The following ABTB3 variants were observed in gnomAD, a reference collection of about 807,000 sequenced individuals.
ABTB3 encodes the protein ankyrin repeat and BTB domain containing 3.
At chr12:107,602,445 T>C in the ABTB3 span, among the ~76,000 whole-genome samples, 2 of 152,262 alleles carry the variant, frequency 1.3e-5, no homozygotes, top group African/African-American at 2.4e-5. Context: ...ATGATTATCA[T>C]AGGAGATCTC....
chr12:107,338,398 T>C, the ABTB3 span, among the ~76,000 whole-genome samples: 1 of 152,226 alleles, frequency 6.6e-6, no homozygotes, highest in Admixed American at 6.5e-5. Context: ...GTTAGTATCC[T>C]AATTCACACA....
At chr12:107,479,689 T>C in the ABTB3 span, among the ~76,000 whole-genome samples, 1 of 152,152 alleles carries the variant, frequency 6.6e-6, no homozygotes, top group African/African-American at 2.4e-5. Flanking sequence ...CCCCAGAGCC[T>C]AATAATGATG....
the ABTB3 span, among the ~76,000 whole-genome samples, chr12:107,656,298 C>A: frequency 4.2e-4 from 60 of 141,206 alleles, no homozygotes; most frequent in African/African-American, 3.9e-4. Context: ...GAGGCTCTGT[C>A]AAAAAAAAAA....
the ABTB3 span, among the ~76,000 whole-genome samples, chr12:107,323,332 T>A: frequency 2.0e-5 from 3 of 152,116 alleles, no homozygotes; most frequent in African/African-American, 7.2e-5. Flanking sequence ...CTTTCTAATT[T>A]GCTGCTGCTA....
chr12:107,645,173 G>T, the ABTB3 span, among the ~76,000 whole-genome samples: 1 of 151,954 alleles, frequency 6.6e-6, no homozygotes, highest in Non-Finnish European at 1.5e-5. Flanking sequence ...TTCCATGTCG[G>T]CCAGGCTGGT....
chr12:107,493,544 G>A, the ABTB3 span, among the ~76,000 whole-genome samples: 1 of 152,278 alleles, frequency 6.6e-6, no homozygotes, highest in African/African-American at 2.4e-5. Context: ...GACCCATTTT[G>A]TGCTTGGTAT....
chr12:107,475,449 C>T, the ABTB3 span, among the ~76,000 whole-genome samples: 4 of 152,212 alleles, frequency 2.6e-5, no homozygotes, highest in Non-Finnish European at 5.9e-5. Context: ...AAACCATTTC[C>T]ATCACCCAGG....
the ABTB3 span, among the ~76,000 whole-genome samples, chr12:107,497,889 A>C: frequency 6.6e-6 from 1 of 152,052 alleles, no homozygotes; most frequent in African/African-American, 2.4e-5. Context: ...TCCCTCCTCC[A>C]CATGTCAGGA....
the ABTB3 span, among the ~76,000 whole-genome samples, chr12:107,411,948 G>A: frequency 6.6e-6 from 1 of 152,178 alleles, no homozygotes; most frequent in Non-Finnish European, 1.5e-5. Context: ...TGTGGCACCA[G>A]AGCCATAGAA....
the ABTB3 span, among the ~76,000 whole-genome samples, chr12:107,410,304 G>A: frequency 1.3e-5 from 2 of 151,908 alleles, no homozygotes; most frequent in African/African-American, 4.8e-5. Context: ...AAAGTACAAG[G>A]TGCTGGGTCA....
chr12:107,455,646 A>C, the ABTB3 span, among the ~76,000 whole-genome samples: 1 of 152,196 alleles, frequency 6.6e-6, no homozygotes, highest in Non-Finnish European at 1.5e-5. Flanking sequence ...TCACAAGTCC[A>C]GGGGATAGCT....
At chr12:107,389,437 A>C in the ABTB3 span, among the ~76,000 whole-genome samples, 260 of 152,236 alleles carry the variant, frequency 1.7e-3, no homozygotes, top group Admixed American at 3.9e-3. Flanking sequence ...AGAGCTTATA[A>C]ATGATAGAGC....
chr12:107,472,706 T>C, the ABTB3 span, among the ~76,000 whole-genome samples: 2 of 152,180 alleles, frequency 1.3e-5, no homozygotes, highest in African/African-American at 4.8e-5. Flanking sequence ...AGTGGGAACA[T>C]CCGCCGTTCG....
chr12:107,507,091 T>A, the ABTB3 span, among the ~76,000 whole-genome samples: 1 of 152,152 alleles, frequency 6.6e-6, no homozygotes, highest in East Asian at 1.9e-4. Context: ...AGAGGCCAAC[T>A]TCTGATGCAC....
chr12:107,431,167 A>T, the ABTB3 span, among the ~76,000 whole-genome samples: 1 of 152,242 alleles, frequency 6.6e-6, no homozygotes, highest in South Asian at 2.1e-4. Context: ...GTGCTGAGAA[A>T]AGGTCTCATT....
chr12:107,558,557 T>C, the ABTB3 span, among the ~76,000 whole-genome samples: 6 of 152,264 alleles, frequency 3.9e-5, no homozygotes, highest in East Asian at 1.9e-4. Flanking sequence ...AAGGTTTGGA[T>C]TGGGGAGAAG....
chr12:107,405,933 C>T, the ABTB3 span, among the ~76,000 whole-genome samples: 11 of 152,178 alleles, frequency 7.2e-5, no homozygotes, highest in Non-Finnish European at 1.0e-4. Flanking sequence ...CATCTGTAAA[C>T]GAAGGCATTG....
the ABTB3 span, among the ~76,000 whole-genome samples, chr12:107,403,080 A>G: frequency 3.3e-5 from 5 of 152,206 alleles, no homozygotes; most frequent in African/African-American, 9.6e-5. Flanking sequence ...GACCCAAGTC[A>G]TTCATTCCGA....
chr12:107,543,894 T>G, the ABTB3 span: 1 of 1,556,520 alleles, frequency 6.4e-7, no homozygotes. Flanking sequence ...TCTGCCAATG[T>G]TGGCTTCCTG....
Sources: allele counts gnomAD v4.1 joint callset (sites outside exome capture counted in the v4.1 genomes callset), GRCh38; gene constraint gnomAD v4.1.1; transcripts MANE v1.5; gene names NCBI Gene and HGNC (gene_info 2026-07-23, HGNC 2026-07-21).